MTSS1: variants seen among roughly 807,000 people sequenced by gnomAD.
MTSS1 encodes the protein MTSS I-BAR domain containing 1.
In MTSS1, 18 loss-of-function variants were observed where a neutral mutation model predicts 79.0. The ratio of observed to expected loss-of-function variants is 0.23; its 90% CI spans 0.16 to 0.34. The LOEUF is 0.34. Among genes scored for constraint, MTSS1 ranks in the 10% least tolerant of loss-of-function variants. The pLI is 1.00. For synonymous variants in MTSS1, 341 were observed against 368.6 expected, an observed-to-expected ratio of 0.93 and a Z score of 0.86; for missense variants, 815 against 986.2, an observed-to-expected ratio of 0.83 and a Z score of 2.33.
intron 3 of MTSS1, among the ~76,000 whole-genome samples, chr8:124,650,156 G>A (rs920078274): frequency 3.3e-5 from 5 of 151,548 alleles, no homozygotes; most frequent in African/African-American, 9.7e-5. Flanking sequence ...TCAGCCTCCC[G>A]AGTACCTGGG....
At chr8:124,634,423 T>C (rs1816627065) in intron 3 of MTSS1, among the ~76,000 whole-genome samples, 1 of 152,130 alleles carries the variant, frequency 6.6e-6, no homozygotes, top group South Asian at 2.1e-4. Context: ...GCTGGGATTA[T>C]GGGCGTGAGC....
intron 10 of MTSS1, among the ~76,000 whole-genome samples, chr8:124,559,385 G>A (rs948759790): frequency 3.9e-5 from 6 of 152,176 alleles, no homozygotes; most frequent in Admixed American, 3.9e-4. Context: ...ATCCATGAGG[G>A]GTGGTTTCCA....
At chr8:124,695,351 C>T (rs1461344923) in intron 3 of MTSS1, among the ~76,000 whole-genome samples, 5 of 147,398 alleles carry the variant, frequency 3.4e-5, no homozygotes, top group African/African-American at 1.0e-4. Context: ...AAAAAAAATA[C>T]ATGTAAAGGC....
intron 2 of MTSS1, among the ~76,000 whole-genome samples, chr8:124,702,841 T>G (rs1336171163): frequency 6.6e-6 from 1 of 152,294 alleles, no homozygotes; most frequent in East Asian, 1.9e-4. Context: ...CTATCCTTCA[T>G]GAAGCACCCA....
intron 9 of MTSS1, 191 bp from the exon 10 acceptor site, chr8:124,563,183 G>A: frequency 3.4e-6 from 2 of 596,016 alleles, no homozygotes; most frequent in Non-Finnish European, 5.9e-6. Context: ...AAATCATGAA[G>A]GTAGTCAACA....
chr8:124,630,905 A>G (rs985400139), intron 3 of MTSS1, among the ~76,000 whole-genome samples: 3 of 152,234 alleles, frequency 2.0e-5, no homozygotes, highest in African/African-American at 4.8e-5. Context: ...GCCTTTGGCC[A>G]TGGCATTCTG....
chr8:124,564,687 T>TACACACACACACA (rs1554639346), intron 9 of MTSS1: 11 of 47,446 alleles, frequency 2.3e-4, no homozygotes, highest in African/African-American at 6.6e-4. Flanking sequence ...GGTCTCTCTT[T>TACACACACACACA]CACTCACACA....
At chr8:124,721,971 T>C (rs554613277) in intron 1 of MTSS1, among the ~76,000 whole-genome samples, 25 of 152,226 alleles carry the variant, frequency 1.6e-4, no homozygotes, top group African/African-American at 6.0e-4. Flanking sequence ...CCCTGTCGCA[T>C]AGTAGGCAGC....
intron 3 of MTSS1, among the ~76,000 whole-genome samples, chr8:124,616,018 C>A (rs1325181408): frequency 6.6e-6 from 1 of 152,064 alleles, no homozygotes; most frequent in Non-Finnish European, 1.5e-5. Context: ...CTTCCCTTTG[C>A]CACCATCAGT....
chr8:124,698,506 CTTTTTTTTTT>C (rs148481676), intron 3 of MTSS1, among the ~76,000 whole-genome samples: 1 of 124,772 alleles, frequency 8.0e-6, no homozygotes, highest in South Asian at 2.6e-4. Flanking sequence ...TGTTGCTTTT[CTTTTTTTTTT>C]TTTTTTTTTT....
intron 10 of MTSS1, among the ~76,000 whole-genome samples, chr8:124,560,681 A>G (rs1238909661): frequency 1.3e-5 from 2 of 151,998 alleles, no homozygotes; most frequent in Non-Finnish European, 2.9e-5. Context: ...AAACAACAAA[A>G]CAGTAACCCA....
Position 124,553,194 on chromosome 8 carries a change from G to A in MTSS1, c.2066C>T (p.Ala689Val), listed in dbSNP as rs1413716895. 1 of 1,614,150 alleles carries A rather than the reference G, an allele frequency of 6.2e-7. No individual in the cohort carries two copies. Among genetic ancestry groups the A allele is most frequent in the Non-Finnish European group, 8.5e-7 (1 of 1,180,036 alleles). ...KPSIPEEHRQ[A>V]IPESEAEDQE... ...GTCTTCAGCTTCACTTTCTGGAATT[G>A]CCTGTCTGTGCTCCTCAGGGATACT... The change falls in exon 14 of 14, where the codon GCA (alanine) becomes GTA (valine). Residue 689 changes from alanine to valine, a missense_variant. This residue lies in a region of MTSS1 where 590 missense variants were observed against 620.8 expected (regional missense o/e 0.95). Coordinates refer to ENST00000518547, the MANE Select transcript of MTSS1 (RefSeq NM_014751.6). This position sits in a 1 kb window ranked among gnomAD's most constrained non-coding sequence, Gnocchi z 6.0.
chr8:124,576,924 T>G (rs1829072761), intron 6 of MTSS1, among the ~76,000 whole-genome samples: 1 of 152,240 alleles, frequency 6.6e-6, no homozygotes, highest in African/African-American at 2.4e-5. Flanking sequence ...GCTCCCGGCG[T>G]GCCTCCATAC....
intron 6 of MTSS1, among the ~76,000 whole-genome samples, chr8:124,570,910 T>TTCAA (rs1478248601): frequency 1.1e-4 from 17 of 152,096 alleles, no homozygotes; most frequent in African/African-American, 4.1e-4. Context: ...TGGCCTCAAG[T>TTCAA]GATCCTCCCA....
At chr8:124,649,961 A>G (rs1302598982) in intron 3 of MTSS1, among the ~76,000 whole-genome samples, 2 of 151,878 alleles carry the variant, frequency 1.3e-5, no homozygotes, top group African/African-American at 2.4e-5. Flanking sequence ...TTTAACAGAC[A>G]GCAATTGGTA....
chr8:124,671,772 C>T (rs993545523), intron 3 of MTSS1, among the ~76,000 whole-genome samples: 2 of 152,188 alleles, frequency 1.3e-5, no homozygotes, highest in African/African-American at 4.8e-5. Context: ...ATTAAGAACA[C>T]AGCATTCTGC....
chr8:124,708,989 G>A (rs1270262805), intron 1 of MTSS1, among the ~76,000 whole-genome samples: 1 of 151,900 alleles, frequency 6.6e-6, no homozygotes, highest in Non-Finnish European at 1.5e-5. Context: ...AGTGATGTTG[G>A]GTTGTTCCAG....
At chr8:124,594,302 G>A (rs183710848) in intron 3 of MTSS1, among the ~76,000 whole-genome samples, 24 of 152,290 alleles carry the variant, frequency 1.6e-4, no homozygotes, top group Admixed American at 9.8e-4. Flanking sequence ...AGGCTGAGGC[G>A]GGCGGATCAC....
chr8:124,616,828 C>T (rs541331596), intron 3 of MTSS1, among the ~76,000 whole-genome samples: 65 of 152,320 alleles, frequency 4.3e-4, no homozygotes, highest in Non-Finnish European at 7.4e-4. Context: ...CTACCTACTG[C>T]GCTAAGGAGG....
Sources: gnomAD v4.1 joint callset for allele counts (sites outside exome capture counted in the v4.1 genomes callset) on GRCh38, gnomAD v4.1.1 for gene constraint, gnomAD v4.1.1 regional missense constraint, Gnocchi (gnomAD v3.1) non-coding constraint, MANE v1.5 for transcripts, NCBI Gene and HGNC (gene_info 2026-07-23, HGNC 2026-07-21) for gene names.